ADAMTSL1: variants seen among roughly 807,000 people sequenced by gnomAD.
ADAMTSL1 encodes ADAMTS like 1.
A neutral mutation model predicts 201.8 loss-of-function variants in ADAMTSL1; 126 were observed. That is an observed-to-expected ratio of 0.62 (90% CI 0.54 to 0.72). The LOEUF (loss-of-function observed/expected upper bound fraction) is 0.72. Among genes scored for constraint, ADAMTSL1 ranks in the 30% least tolerant of loss-of-function variants. The probability of loss-of-function intolerance (pLI) is 0.00; values close to 1 mark genes in which losing one functional copy is unlikely to be tolerated. For synonymous variants in ADAMTSL1, 1,121 were observed against 903.4 expected (o/e 1.24, Z -4.32); for missense variants, 2,679 against 2,277.8 (o/e 1.18, Z -3.59).
At chr9:18,841,250 T>C (rs1187580738) in intron 23 of ADAMTSL1, among the ~76,000 whole-genome samples, 7 of 151,926 alleles carry the variant, frequency 4.6e-5, no homozygotes, top group South Asian at 4.2e-4. Context: ...GCATGAAGGG[T>C]TGTTGAATTT....
intron 4 of ADAMTSL1, among the ~76,000 whole-genome samples, chr9:18,618,780 G>A (rs1825855421): frequency 6.6e-6 from 1 of 152,140 alleles, no homozygotes; most frequent in Non-Finnish European, 1.5e-5. Flanking sequence ...CTTCTTTTAA[G>A]TAGCCTTCCC....
intron 2 of ADAMTSL1, among the ~76,000 whole-genome samples, chr9:18,314,671 G>A (rs1474151407): frequency 1.3e-5 from 2 of 151,662 alleles, no homozygotes; most frequent in Non-Finnish European, 1.5e-5. Flanking sequence ...AAAGGCATGC[G>A]GACCGAAAGA....
At chr9:18,162,096 C>T (rs971039232) in intron 1 of ADAMTSL1, among the ~76,000 whole-genome samples, 7 of 152,008 alleles carry the variant, frequency 4.6e-5, no homozygotes, top group Non-Finnish European at 8.8e-5. Context: ...ATTCTCTGGT[C>T]CGTGTATTAC....
At position 18,739,899 on chromosome 9, in the gene ADAMTSL1, C is replaced by CTGTGTGTG. The variant is rs5896804; in HGVS notation, c.2007-13373_2007-13366dup. ...GTATATGTGTGTACATGTCTACTAT[C>CTGTGTGTG]TGTGTGTGTGTGTGTGTGTGTGTGT... is the stretch of plus-strand genomic sequence containing the variant. On this transcript the variant is annotated intron_variant, in intron 15 of 28. Transcript: ENST00000380548. 4.7e-3 allele frequency among the ~76,000 whole-genome samples: 701 copies of CTGTGTGTG among 148,230 alleles called. 8 individuals are homozygous for CTGTGTGTG. Among genetic ancestry groups the CTGTGTGTG allele is most frequent in the East Asian group, 0.018 (91 of 4,948 alleles).
chr9:18,024,729 G>A (rs1045944436), intron 1 of ADAMTSL1, among the ~76,000 whole-genome samples: 5 of 152,040 alleles, frequency 3.3e-5, no homozygotes, highest in East Asian at 1.9e-4. Context: ...ATGAACGTAC[G>A]AGTACGTGTG....
intron 13 of ADAMTSL1, 147 bp from the exon 14 acceptor site, chr9:18,706,600 G>A (rs1306705681): frequency 1.5e-5 from 11 of 744,980 alleles, no homozygotes; most frequent in Middle Eastern, 3.9e-4. Flanking sequence ...AAACTGAAGC[G>A]CCATCACAGG....
chr9:18,506,349 G>T (rs1274669500), intron 2 of ADAMTSL1, among the ~76,000 whole-genome samples: 4 of 152,160 alleles, frequency 2.6e-5, no homozygotes, highest in Admixed American at 2.6e-4. Context: ...AATTTAGAAT[G>T]TTCCTGTTAT....
chr9:18,110,905 T>A (rs1311599443), intron 1 of ADAMTSL1, among the ~76,000 whole-genome samples: 3 of 152,110 alleles, frequency 2.0e-5, no homozygotes, highest in Non-Finnish European at 4.4e-5. Context: ...TCGGGAACAT[T>A]ATTAGTTTTT....
At chr9:18,123,599 A>T (rs985742787) in intron 1 of ADAMTSL1, among the ~76,000 whole-genome samples, 3 of 152,344 alleles carry the variant, frequency 2.0e-5, no homozygotes, top group African/African-American at 7.2e-5. Flanking sequence ...AAAAATAAAC[A>T]GCTTTACTGA....
At chr9:18,485,626 A>C (rs1377929564) in intron 1 of ADAMTSL1, among the ~76,000 whole-genome samples, 1 of 152,192 alleles carries the variant, frequency 6.6e-6, no homozygotes, top group Non-Finnish European at 1.5e-5. Flanking sequence ...ACTCAATGGA[A>C]GTTCATCAGG....
intron 4 of ADAMTSL1, among the ~76,000 whole-genome samples, chr9:18,595,349 C>G (rs1421455777): frequency 6.6e-6 from 1 of 152,170 alleles, no homozygotes; most frequent in Non-Finnish European, 1.5e-5. Context: ...CATCACCCAG[C>G]AGGTCCCTGC....
At chr9:18,303,643 A>G (rs976264010) in intron 2 of ADAMTSL1, among the ~76,000 whole-genome samples, 1 of 152,196 alleles carries the variant, frequency 6.6e-6, no homozygotes. Context: ...AGAGAATGAC[A>G]AGAGTCAGGA....
intron 12 of ADAMTSL1, among the ~76,000 whole-genome samples, chr9:18,682,331 C>T (rs1830556277): frequency 1.3e-5 from 2 of 152,140 alleles, no homozygotes; most frequent in South Asian, 4.1e-4. Context: ...CCAAGTATGT[C>T]TATTTTGCTA....
In ADAMTSL1 at chr9:18,892,452, G is replaced by A. The variant is rs776733978; in HGVS notation, c.4707G>A (p.Arg1569=). The change falls in exon 26 of 29, where the codon AGG becomes AGA. Residue 1569 remains arginine (R), a synonymous_variant. Transcript: ENST00000380548. ...GTGGGGGAGGTGTCCAGACCCGCAG[G>A]GTGACCTGTCAAAAGCTGAAAGCCT... ...RSCGGGVQTR[R]VTCQKLKASG... The A allele has an allele frequency of 3.1e-6, 5 of 1,613,504 alleles. No homozygotes were observed. The highest frequency in any genetic ancestry group is 1.3e-5 in the African/African-American group (1 of 75,034).
At chr9:17,952,445 T>A (rs1010775142) in intron 1 of ADAMTSL1, among the ~76,000 whole-genome samples, 1 of 152,162 alleles carries the variant, frequency 6.6e-6, no homozygotes, top group African/African-American at 2.4e-5. Flanking sequence ...CCAAGACAGT[T>A]TACTAACTAG....
At chr9:18,729,212 C>G (rs1247423527) in intron 15 of ADAMTSL1, among the ~76,000 whole-genome samples, 1 of 152,184 alleles carries the variant, frequency 6.6e-6, no homozygotes, top group Non-Finnish European at 1.5e-5. Context: ...AGTGTTGCAG[C>G]TATCTGATCC....
intron 2 of ADAMTSL1, among the ~76,000 whole-genome samples, chr9:18,273,571 T>A (rs1832468721): frequency 6.6e-6 from 1 of 152,248 alleles, no homozygotes; most frequent in African/African-American, 2.4e-5. Context: ...GTTACATTTA[T>A]CTTCCAAATT....
At chr9:18,487,833 G>A (rs951633032) in intron 1 of ADAMTSL1, among the ~76,000 whole-genome samples, 21 of 152,168 alleles carry the variant, frequency 1.4e-4, no homozygotes, top group Admixed American at 9.2e-4. Flanking sequence ...TGTGCTGAGC[G>A]ATTTCCACAG....
At chr9:18,364,532 T>C (rs1836682451) in intron 2 of ADAMTSL1, among the ~76,000 whole-genome samples, 1 of 152,082 alleles carries the variant, frequency 6.6e-6, no homozygotes, top group Non-Finnish European at 1.5e-5. Flanking sequence ...TCACTAAACC[T>C]GTGGAAGCCT....
Sources: gnomAD v4.1 joint callset for allele counts (sites outside exome capture counted in the v4.1 genomes callset) on GRCh38, gnomAD v4.1.1 for gene constraint, MANE v1.5 for transcripts, NCBI Gene and HGNC (gene_info 2026-07-23, HGNC 2026-07-21) for gene names.